Variants in RELN observed in about 807,000 individuals in gnomAD.
RELN encodes reelin.
In RELN, 108 loss-of-function variants were observed where a neutral mutation model predicts 427.6. The ratio of observed to expected loss-of-function variants is 0.25; its 90% CI spans 0.22 to 0.30. RELN has a LOEUF of 0.30. RELN is among the 10% of genes least tolerant of loss of function. The probability of loss-of-function intolerance (pLI) is 1.00; values close to 1 mark genes in which losing one functional copy is unlikely to be tolerated. For synonymous variants in RELN, 1,524 were observed against 1,513.4 expected (o/e 1.01, Z -0.16); for missense variants, 3,715 against 4,302.8 (o/e 0.86, Z 3.82).
intron 57 of RELN, among the ~76,000 whole-genome samples, chr7:103,494,365 T>TGTGTGTGTGTGTGTGTGTGTGTG (rs1828762311): frequency 1.7e-5 from 2 of 118,256 alleles, no homozygotes; most frequent in South Asian, 2.6e-4. Context: ...GTAATGACTT[T>TGTGTGTGTGTGTGTGTGTGTGTG]TGTGTGTGTG....
intron 3 of RELN, among the ~76,000 whole-genome samples, chr7:103,778,241 T>C (rs184744191): frequency 6.6e-6 from 1 of 152,316 alleles, no homozygotes; most frequent in East Asian, 1.9e-4. Flanking sequence ...GTAACTTTTT[T>C]ACTTAAATAC....
In RELN at chr7:103,472,549, A is replaced by G. The variant is rs879136898; in HGVS notation, c.*263T>C. 35 of 443,082 alleles carry G rather than the reference A, an allele frequency of 7.9e-5. No homozygotes were observed. Among genetic ancestry groups the G allele is most frequent in the East Asian group, 2.1e-4 (5 of 23,300 alleles). 27.4% of individuals were successfully genotyped at this position (443,082 alleles called of 1,614,324 possible). A position where few individuals can be genotyped will look rare whatever the true frequency, so the allele number is the denominator to read the frequency against. On this transcript the variant is annotated 3_prime_UTR_variant, in exon 65 of 65. Coordinates refer to ENST00000428762, the MANE Select transcript of RELN (RefSeq NM_005045.4). ...TCTGTTAAACTGTTTCTTATTGTCA[A>G]TACTGCCACTGTAACTGATATTACA... is the stretch of plus-strand genomic sequence containing the variant.
At chr7:103,959,212 A>C (rs1584401478) in intron 1 of RELN, among the ~76,000 whole-genome samples, 1 of 152,100 alleles carries the variant, frequency 6.6e-6, no homozygotes, top group South Asian at 2.1e-4. Context: ...CAAAGTGCTG[A>C]GATTACAGGC....
chr7:103,655,993 A>G (rs1833014939), intron 12 of RELN, among the ~76,000 whole-genome samples: 1 of 152,082 alleles, frequency 6.6e-6, no homozygotes, highest in African/African-American at 2.4e-5. Flanking sequence ...TTAGAGCATG[A>G]GTCAGTCTCC....
chr7:103,691,183 A>C (rs142697656), intron 10 of RELN, among the ~76,000 whole-genome samples: 1 of 152,174 alleles, frequency 6.6e-6, no homozygotes, highest in Non-Finnish European at 1.5e-5. Flanking sequence ...ACCTACAATT[A>C]TAATTCTCCA....
chr7:103,828,301 AT>A (rs201992008), intron 3 of RELN, among the ~76,000 whole-genome samples: 2 of 151,750 alleles, frequency 1.3e-5, no homozygotes, highest in South Asian at 2.1e-4. Flanking sequence ...TTTTAAAATG[AT>A]TTTTTTTGCC....
intron 3 of RELN, among the ~76,000 whole-genome samples, chr7:103,806,289 A>G (rs1274082368): frequency 6.6e-6 from 1 of 151,994 alleles, no homozygotes; most frequent in Non-Finnish European, 1.5e-5. Context: ...TATCCTTGCT[A>G]TTGAGGGGGA....
At chr7:103,623,099 G>C (rs1340381631) in intron 20 of RELN, among the ~76,000 whole-genome samples, 1 of 152,160 alleles carries the variant, frequency 6.6e-6, no homozygotes, top group Non-Finnish European at 1.5e-5. Context: ...GGCACTGAAA[G>C]TCTTCAATAC....
chr7:103,856,585 A>AGAAAG (rs200009218), intron 2 of RELN, among the ~76,000 whole-genome samples: 1 of 133,266 alleles, frequency 7.5e-6, no homozygotes, highest in South Asian at 2.6e-4. Context: ...AAAAAAAAAA[A>AGAAAG]AAAGAAAGAA....
intron 4 of RELN, among the ~76,000 whole-genome samples, chr7:103,757,179 A>G (rs1343261841): frequency 6.6e-6 from 1 of 152,118 alleles, no homozygotes; most frequent in African/African-American, 2.4e-5. Context: ...TTAAGTTCTT[A>G]TATTATATGA....
intron 31 of RELN, among the ~76,000 whole-genome samples, chr7:103,571,335 A>T (rs965103920): frequency 6.6e-6 from 1 of 152,218 alleles, no homozygotes; most frequent in Non-Finnish European, 1.5e-5. Context: ...AGGTCCCCTA[A>T]GGAATTATAT....
At chr7:103,565,929 A>G (rs1272331377) in intron 33 of RELN, among the ~76,000 whole-genome samples, 1 of 152,096 alleles carries the variant, frequency 6.6e-6, no homozygotes, top group Non-Finnish European at 1.5e-5. Flanking sequence ...TTTTAAACAT[A>G]GAGTCTTAAG....
chr7:103,579,037 C>A (rs966224612), intron 28 of RELN, among the ~76,000 whole-genome samples: 12 of 152,220 alleles, frequency 7.9e-5, no homozygotes, highest in Admixed American at 7.9e-4. Flanking sequence ...GCATCTACAG[C>A]ACGCTAGGCA....
intron 2 of RELN, among the ~76,000 whole-genome samples, chr7:103,853,896 T>C (rs1321561169): frequency 6.6e-6 from 1 of 152,110 alleles, no homozygotes; most frequent in Non-Finnish European, 1.5e-5. Context: ...GAGGAATAAG[T>C]GTCCTGTAGC....
At chr7:103,943,466 A>G (rs2116742246) in intron 1 of RELN, among the ~76,000 whole-genome samples, 1 of 152,278 alleles carries the variant, frequency 6.6e-6, no homozygotes, top group Middle Eastern at 3.4e-3. Flanking sequence ...TAAATGTGCA[A>G]ATTTGGGGAG....
At chr7:103,778,589 A>G (rs1791804907) in intron 3 of RELN, among the ~76,000 whole-genome samples, 1 of 152,236 alleles carries the variant, frequency 6.6e-6, no homozygotes, top group Non-Finnish European at 1.5e-5. Context: ...TTTTCTCTAA[A>G]TATCAGATAT....
In RELN at chr7:103,805,486, A is replaced by G. The variant is rs143361721; in HGVS notation, c.473+28051T>C. On this transcript the variant is annotated intron_variant, in intron 3 of 64. Transcript: ENST00000428762. ...CATTAAAATTTGAACTCTGTTTTCAATGTTCTAGTCCTCTGGTCTAAATAC... is the reference window on the plus strand; with the variant it reads ...CATTAAAATTTGAACTCTGTTTTCAGTGTTCTAGTCCTCTGGTCTAAATAC... 6.2e-3 allele frequency among the ~76,000 whole-genome samples: 941 copies of G among 152,250 alleles called. 7 individuals are homozygous for G. Among genetic ancestry groups the G allele is most frequent in the African/African-American group, 0.021 (885 of 41,556 alleles).
chr7:103,479,595 G>C (rs991189180), intron 63 of RELN, among the ~76,000 whole-genome samples: 4 of 152,156 alleles, frequency 2.6e-5, no homozygotes, highest in Non-Finnish European at 4.4e-5. Flanking sequence ...ATGAGAGACT[G>C]CTTGTTAAAT....
intron 3 of RELN, among the ~76,000 whole-genome samples, chr7:103,822,986 T>A (rs1793046733): frequency 6.6e-6 from 1 of 152,108 alleles, no homozygotes; most frequent in Non-Finnish European, 1.5e-5. Context: ...TACCTGCAAT[T>A]GAAATACTAG....
Sources: gnomAD v4.1 joint callset for allele counts (sites outside exome capture counted in the v4.1 genomes callset) on GRCh38, gnomAD v4.1.1 for gene constraint, MANE v1.5 for transcripts, NCBI Gene and HGNC (gene_info 2026-07-23, HGNC 2026-07-21) for gene names.